RIPPLY3: variants seen among roughly 807,000 people sequenced by gnomAD.
The protein encoded by RIPPLY3 is protein ripply3.
RIPPLY3 carries 8 observed loss-of-function variants against 11.9 expected under a neutral mutation model. The ratio of observed to expected loss-of-function variants is 0.67; its 90% CI spans 0.40 to 1.21. The LOEUF (loss-of-function observed/expected upper bound fraction) is 1.21, where lower values mean the gene tolerates loss of function less well. RIPPLY3 is among the 50% of genes most tolerant of loss of function. The pLI is 0.01. For synonymous variants in RIPPLY3, 102 were observed against 99.0 expected (o/e 1.03, Z -0.18); for missense variants, 271 against 246.0 (o/e 1.10, Z -0.68).
intron 2 of RIPPLY3, among the ~76,000 whole-genome samples, chr21:37,013,301 T>C (rs1166483761): frequency 6.6e-6 from 1 of 152,168 alleles, no homozygotes; most frequent in Non-Finnish European, 1.5e-5. Context: ...GTCCATTAGA[T>C]TGTAAAATGC....
chr21:37,018,328 G>GC lies in RIPPLY3; in HGVS notation c.*125dup, dbSNP rs746736660. 2.8e-5 allele frequency: 22 copies of GC among 790,878 alleles called. No individual in the cohort carries two copies. The highest frequency in any genetic ancestry group is 2.3e-4 in the Middle Eastern group (1 of 4,258). 49.0% of individuals were successfully genotyped at this position (790,878 alleles called of 1,614,324 possible). Reference sequence around the variant, plus strand: ...GCAGAGGCTAGAGGCTTCTCGGGCAGCCCCTGGCCTGCACACTACTCATGA... The same window carrying GC: ...GCAGAGGCTAGAGGCTTCTCGGGCAGCCCCCTGGCCTGCACACTACTCATGA... On this transcript the variant is annotated 3_prime_UTR_variant, in exon 4 of 4. Coordinates refer to ENST00000329553, the MANE Select transcript of RIPPLY3 (RefSeq NM_018962.3).
intron 2 of RIPPLY3, among the ~76,000 whole-genome samples, chr21:37,010,658 C>G (rs2069512320): frequency 6.6e-6 from 1 of 152,200 alleles, no homozygotes; most frequent in South Asian, 2.1e-4. Flanking sequence ...CGTTTCCCTC[C>G]TGGCCACTTG....
At chr21:37,012,908 AG>A in intron 2 of RIPPLY3, among the ~76,000 whole-genome samples, 1 of 141,474 alleles carries the variant, frequency 7.1e-6, no homozygotes, top group Middle Eastern at 3.9e-3. Flanking sequence ...TCTGTCGTCC[AG>A]GCTGGAGTGC....
Position 37,013,536 on chromosome 21 carries a change from T to C in RIPPLY3, c.172-15T>C, listed in dbSNP as rs771368667. On this transcript the variant is annotated splice_polypyrimidine_tract_variant and intron_variant, in intron 2 of 3. Transcript: ENST00000329553. ...CCTGCACTGTCTCTGTGTTTGTATG[T>C]GTCTGTCGTTACAGCTTGAACCTAG... 6 of 1,612,378 alleles carry C rather than the reference T, an allele frequency of 3.7e-6. No homozygotes were observed. The African/African-American group carries it at 8.0e-5, about 22-fold the overall frequency.
intron 2 of RIPPLY3, among the ~76,000 whole-genome samples, chr21:37,012,212 T>TTTTTTATTA (rs773284506): frequency 0.036 from 4,782 of 132,480 alleles, 119 homozygotes; most frequent in African/African-American, 0.062. Context: ...CCGCTCCTTA[T>TTTTTTATTA]TTATTATTAT....
chr21:37,012,117 A>G (rs2069529150), intron 2 of RIPPLY3, among the ~76,000 whole-genome samples: 1 of 151,324 alleles, frequency 6.6e-6, no homozygotes, highest in South Asian at 2.1e-4. Context: ...GGCCATAGTA[A>G]GTTTTGTCCT....
chr21:37,010,080 C>T (rs1466152960), intron 2 of RIPPLY3, among the ~76,000 whole-genome samples: 1 of 152,216 alleles, frequency 6.6e-6, no homozygotes, highest in African/African-American at 2.4e-5. Flanking sequence ...GGACAATTCC[C>T]CAGCTCCCAA....
chr21:37,013,612 C>G lies in RIPPLY3; in HGVS notation c.233C>G (p.Pro78Arg), dbSNP rs1251273079. The change falls in exon 3 of 4, where the codon CCT (proline) becomes CGT (arginine). Residue 78 changes from proline to arginine, a missense_variant. Coordinates refer to ENST00000329553, the MANE Select transcript of RIPPLY3 (RefSeq NM_018962.3). ...GSKGAFGFQH[P>R]VRVYLPMSKR... ...AAGGGAGCCTTTGGGTTTCAGCATCCTGTAAGGTAATATACGACTTCACAA... is the reference window on the plus strand; with the variant it reads ...AAGGGAGCCTTTGGGTTTCAGCATCGTGTAAGGTAATATACGACTTCACAA... 6.2e-7 allele frequency: 1 copy of G among 1,613,098 alleles called. No homozygotes were observed. Among genetic ancestry groups the G allele is most frequent in the Middle Eastern group, 1.7e-4 (1 of 6,024 alleles).
At chr21:37,006,688 G>C, upstream of RIPPLY3, 1 of 875,074 alleles carries the variant, frequency 1.1e-6, no homozygotes, top group Non-Finnish European at 1.5e-6. This position sits in a 1 kb window ranked among gnomAD's most constrained non-coding sequence, Gnocchi z 5.2. Context: ...CCTGGCGCGC[G>C]GGTAGGTGAG....
chr21:37,016,407 G>A (rs75503820), intron 3 of RIPPLY3, among the ~76,000 whole-genome samples: 2,019 of 152,108 alleles, frequency 0.013, 33 homozygotes, highest in East Asian at 0.073. Flanking sequence ...TTATAGAAGG[G>A]TGTTTTCTCT....
At chr21:37,006,537 C>G (rs925687880), upstream of RIPPLY3, 30 of 350,850 alleles carry the variant, frequency 8.6e-5, no homozygotes, top group Non-Finnish European at 5.1e-6. The surrounding 1 kb of genome is among the most constrained non-coding windows in gnomAD (Gnocchi z 5.2). Flanking sequence ...GGTCCCCTCC[C>G]GGAACTTCTC....
At chr21:37,012,865 T>G (rs1452866763) in intron 2 of RIPPLY3, among the ~76,000 whole-genome samples, 1 of 482 alleles carries the variant, frequency 2.1e-3, no homozygotes, top group Non-Finnish European at 7.8e-3. Context: ...CCACTCTGAT[T>G]TTTTTTTTTT....
At chr21:37,010,385 C>A (rs2069509140) in intron 2 of RIPPLY3, among the ~76,000 whole-genome samples, 1 of 152,122 alleles carries the variant, frequency 6.6e-6, no homozygotes. Context: ...CCTAGCTACT[C>A]GGGATGCTGA....
In RIPPLY3 at chr21:37,008,756, C is replaced by CAAAA. The variant is rs71198845; in HGVS notation, c.171+554_171+557dup. 2.1e-3 allele frequency among the ~76,000 whole-genome samples: 170 copies of CAAAA among 81,620 alleles called. 3 individuals are homozygous for CAAAA. The highest frequency in any genetic ancestry group is 6.9e-3 in the African/African-American group (158 of 22,952). The allele number at this position is 81,620 out of a possible 152,430, so 53.5% of individuals were successfully genotyped here. A position where few individuals can be genotyped will look rare whatever the true frequency, so the allele number is the denominator to read the frequency against. On this transcript the variant is annotated intron_variant, in intron 2 of 3. Transcript: ENST00000329553. ...GTGGGCGACAGAGCAAGACTCATCT[C>CAAAA]AAAAAAAAAAAAAAAAAAAAAAAAC...
chr21:37,009,999 C>G (rs1302172516), intron 2 of RIPPLY3, among the ~76,000 whole-genome samples: 1 of 152,214 alleles, frequency 6.6e-6, no homozygotes, highest in Non-Finnish European at 1.5e-5. Flanking sequence ...TCCCTGCAGT[C>G]CACCGACGAG....
rs533908158 is a variant in RIPPLY3, at chr21:37,017,441, G to T, written c.240-433G>T. Among the ~76,000 whole-genome samples, 4 of 152,184 alleles carry T rather than the reference G, an allele frequency of 2.6e-5. No individual in the cohort carries two copies. In the East Asian group the frequency reaches 5.8e-4, roughly 22 times the overall value. On this transcript the variant is annotated intron_variant, in intron 3 of 3. Transcript: ENST00000329553. Reference sequence around the variant, plus strand: ...GTAAATTTCCTCCAGAACCCAAGGGGTTACAGCATTTCCCATGCTGCAGGG... The same window carrying T: ...GTAAATTTCCTCCAGAACCCAAGGGTTTACAGCATTTCCCATGCTGCAGGG...
chr21:37,014,494 C>T (rs771518048), intron 3 of RIPPLY3, among the ~76,000 whole-genome samples: 1 of 152,116 alleles, frequency 6.6e-6, no homozygotes, highest in Admixed American at 6.6e-5. Context: ...AAGTGGCTCA[C>T]GTTCAGGATT....
chr21:37,006,735 C>T lies in RIPPLY3; in HGVS notation c.-38C>T. 1 of 1,191,238 alleles carries T rather than the reference C, an allele frequency of 8.4e-7. No individual in the cohort carries two copies. Among genetic ancestry groups the T allele is most frequent in the South Asian group, 4.0e-5 (1 of 25,290 alleles). 73.8% of individuals were successfully genotyped at this position (1,191,238 alleles called of 1,614,324 possible). ...GAGTGGATCTAGGCGCGCTCGTAGG[C>T]CGGCGCCGCAGCAAGGGGCGCGGGC... On this transcript the variant is annotated 5_prime_UTR_variant, in exon 1 of 4. Transcript: ENST00000329553. This position sits in a 1 kb window ranked among gnomAD's most constrained non-coding sequence, Gnocchi z 5.2.
At chr21:37,008,869 C>T (rs1028282952) in intron 2 of RIPPLY3, among the ~76,000 whole-genome samples, 2 of 151,606 alleles carry the variant, frequency 1.3e-5, no homozygotes, top group Non-Finnish European at 2.9e-5. Flanking sequence ...AGGGGAGAGG[C>T]TGCCACTATC....
Sources: gnomAD v4.1 joint callset for allele counts (sites outside exome capture counted in the v4.1 genomes callset) on GRCh38, gnomAD v4.1.1 for gene constraint, Gnocchi (gnomAD v3.1) non-coding constraint, MANE v1.5 for transcripts, NCBI Gene and HGNC (gene_info 2026-07-23, HGNC 2026-07-21) for gene names.